VPS8: variants seen among roughly 807,000 people sequenced by gnomAD.
VPS8 encodes the protein vacuolar protein sorting-associated protein 8 homolog.
In VPS8, 129 loss-of-function variants were observed where a neutral mutation model predicts 216.4. The ratio of observed to expected loss-of-function variants is 0.60; its 90% CI spans 0.52 to 0.69. The LOEUF is 0.69. VPS8 is among the 30% of genes least tolerant of loss of function. The pLI, the probability that VPS8 is intolerant of heterozygous loss-of-function variation, is 0.00. For missense variants in VPS8, 1,531 were observed against 1,683.5 expected (o/e 0.91, Z 1.59); for synonymous variants, 571 against 565.4 (o/e 1.01, Z -0.14).
At chr3:184,986,694 C>T (rs77368780) in intron 42 of VPS8, among the ~76,000 whole-genome samples, 5,375 of 152,254 alleles carry the variant, frequency 0.035, 154 homozygotes, top group East Asian at 0.1. Flanking sequence ...TCCTGTCACT[C>T]TCCATGGAGC....
chr3:185,048,583 A>G (rs375662439), intron 47 of VPS8, 24 bp downstream of exon 47: 33 of 1,612,008 alleles, frequency 2.0e-5, no homozygotes, highest in East Asian at 1.8e-4. Context: ...GGTTGTTTAT[A>G]TTTTTATTTC....
intron 40 of VPS8, 69 bp downstream of exon 40, chr3:184,971,821 T>G: frequency 7.5e-7 from 1 of 1,337,410 alleles, no homozygotes; most frequent in Non-Finnish European, 1.1e-6. Context: ...ACGTCTGTAA[T>G]CCCAGCACTT....
chr3:184,888,148 C>T lies in VPS8; in HGVS notation c.1781+1992C>T, dbSNP rs867980384. On this transcript the variant is annotated intron_variant, in intron 22 of 47. Transcript: ENST00000625842. ...GACTACAGGCGCCCGCCACCATGCCCGGCTAATTTTTTGTATTTTTAGTAG... is the reference window on the plus strand; with the variant it reads ...GACTACAGGCGCCCGCCACCATGCCTGGCTAATTTTTTGTATTTTTAGTAG... Among the ~76,000 whole-genome samples, 8 of 152,128 alleles carry T rather than the reference C, an allele frequency of 5.3e-5. No homozygotes were observed. In the South Asian group the frequency reaches 6.2e-4, roughly 12 times the overall value.
At chr3:184,987,834 T>G (rs1329672647) in intron 42 of VPS8, among the ~76,000 whole-genome samples, 1 of 152,238 alleles carries the variant, frequency 6.6e-6, no homozygotes, top group African/African-American at 2.4e-5. Flanking sequence ...CTATACCATT[T>G]TACATTTCCG....
intron 21 of VPS8, among the ~76,000 whole-genome samples, chr3:184,871,204 AATATAT>A (rs71272847): frequency 6.7e-6 from 1 of 149,262 alleles, no homozygotes; most frequent in Non-Finnish European, 1.5e-5. Context: ...ATCAATCACA[AATATAT>A]ATATATATAT....
chr3:184,894,508 G>GTGTA (rs1553857846), intron 22 of VPS8, among the ~76,000 whole-genome samples, 195 bp from the exon 23 acceptor site: 2,771 of 133,016 alleles, frequency 0.021, 29 homozygotes, highest in African/African-American at 0.032. Flanking sequence ...ATATACACAC[G>GTGTA]TATATATATA....
intron 46 of VPS8, among the ~76,000 whole-genome samples, chr3:185,041,080 C>A (rs1480660778): frequency 1.3e-5 from 2 of 152,050 alleles, no homozygotes; most frequent in East Asian, 3.9e-4. Flanking sequence ...TGGTACGCAT[C>A]TGTAATCCCA....
At chr3:184,911,745 C>T (rs1203302054) in intron 25 of VPS8, among the ~76,000 whole-genome samples, 2 of 152,212 alleles carry the variant, frequency 1.3e-5, no homozygotes, top group African/African-American at 4.8e-5. Context: ...TGGACGAGCT[C>T]CATCTGGCCC....
chr3:184,868,058 A>C lies in VPS8; in HGVS notation c.1505A>C (p.Glu502Ala). 3 of 1,612,826 alleles carry C rather than the reference A, an allele frequency of 1.9e-6. No homozygotes were observed. The highest frequency in any genetic ancestry group is 2.5e-6 in the Non-Finnish European group (3 of 1,179,660). The change falls in exon 18 of 48, where the codon GAG (glutamate) becomes GCG (alanine). Residue 502 changes from glutamate to alanine, a missense_variant and splice_region_variant. By Grantham distance (107) the Glu-to-Ala change is moderately radical. Around this residue, in one of 3 missense-constraint regions of VPS8, gnomAD observed 1,318 missense variants for 1,468.4 expected, o/e 0.90. Coordinates refer to ENST00000625842, the MANE Select transcript of VPS8 (RefSeq NM_001009921.3). ...GTGATGATGCTGAGGAGCTGGAGAG[A>C]GGTGAGTTCCAAGTAATTTCACATG... The part of the protein sequence containing the change: ...VYVMMLRSWR[E>A]RVDHLLKQDC...
chr3:184,908,663 A>G (rs1242966501), intron 25 of VPS8, among the ~76,000 whole-genome samples: 1 of 152,214 alleles, frequency 6.6e-6, no homozygotes, highest in Non-Finnish European at 1.5e-5. Flanking sequence ...CAGCCTTTCT[A>G]GGTACCCACA....
chr3:184,964,398 C>A, intron 37 of VPS8, 70 bp from the exon 38 acceptor site: 4 of 944,554 alleles, frequency 4.2e-6, no homozygotes, highest in Non-Finnish European at 5.9e-6. Flanking sequence ...GTTTTTTCAT[C>A]CTCAATGGGA....
chr3:185,008,557 C>T (rs1754566781), intron 45 of VPS8, among the ~76,000 whole-genome samples: 2 of 152,012 alleles, frequency 1.3e-5, no homozygotes, highest in African/African-American at 2.4e-5. Flanking sequence ...GGGAGAATAA[C>T]ATGAGGGAAA....
chr3:184,814,620 T>C (rs981586618), intron 1 of VPS8, among the ~76,000 whole-genome samples: 3 of 152,174 alleles, frequency 2.0e-5, no homozygotes, highest in African/African-American at 7.2e-5. Flanking sequence ...AAAATACAGT[T>C]TAAAAGATTG....
chr3:184,916,223 A>G (rs938359993), intron 28 of VPS8, among the ~76,000 whole-genome samples: 8 of 152,244 alleles, frequency 5.3e-5, no homozygotes, highest in Non-Finnish European at 1.0e-4. Context: ...ATGAACATGT[A>G]CAATTTGGGT....
chr3:184,952,042 T>A (rs1194459156), intron 36 of VPS8, among the ~76,000 whole-genome samples: 2 of 152,206 alleles, frequency 1.3e-5, no homozygotes, highest in African/African-American at 2.4e-5. Flanking sequence ...TTATGTCTGG[T>A]CTTAATTTGC....
intron 8 of VPS8, among the ~76,000 whole-genome samples, chr3:184,848,420 A>G (rs533146886): frequency 1.3e-5 from 2 of 152,188 alleles, no homozygotes; most frequent in East Asian, 3.9e-4. Context: ...ATAACTTTGC[A>G]TCTTAAAAAT....
intron 45 of VPS8, among the ~76,000 whole-genome samples, chr3:185,007,267 T>G (rs1577135948): frequency 1.3e-5 from 2 of 152,232 alleles, no homozygotes; most frequent in South Asian, 4.1e-4. Context: ...TTTCTCTACA[T>G]ATTACCCACA....
intron 42 of VPS8, among the ~76,000 whole-genome samples, chr3:184,986,518 G>C (rs1409954266): frequency 6.6e-6 from 1 of 152,132 alleles, no homozygotes; most frequent in Non-Finnish European, 1.5e-5. Flanking sequence ...TCTGCTGATG[G>C]TATTCCCCGT....
intron 16 of VPS8, among the ~76,000 whole-genome samples, chr3:184,865,499 A>G (rs978570319): frequency 1.3e-5 from 2 of 152,216 alleles, no homozygotes; most frequent in Non-Finnish European, 2.9e-5. Context: ...GAGCTGCTCA[A>G]CATCATTAGG....
Sources: gnomAD v4.1 joint callset for allele counts (sites outside exome capture counted in the v4.1 genomes callset) on GRCh38, gnomAD v4.1.1 for gene constraint, gnomAD v4.1.1 regional missense constraint, MANE v1.5 for transcripts, NCBI Gene and HGNC (gene_info 2026-07-23, HGNC 2026-07-21) for gene names.